The following CNOT4 variants were observed in gnomAD, a reference collection of about 807,000 sequenced individuals.
CNOT4 encodes CCR4-NOT transcription complex subunit 4.
CNOT4 carries 8 observed loss-of-function variants against 73.8 expected under a neutral mutation model. The ratio of observed to expected loss-of-function variants is 0.11; its 90% CI spans 0.06 to 0.20. The LOEUF is 0.20. Ranked by LOEUF, CNOT4 falls within the 10% of genes least tolerant of loss-of-function variation. The pLI, the probability that CNOT4 is intolerant of heterozygous loss-of-function variation, is 1.00. For missense variants in CNOT4, 564 were observed against 883.4 expected (o/e 0.64, Z 4.58); for synonymous variants, 293 against 321.1 (o/e 0.91, Z 0.94).
At chr7:135,495,763 A>G (rs186626403) in intron 1 of CNOT4, among the ~76,000 whole-genome samples, 1 of 141,270 alleles carries the variant, frequency 7.1e-6, no homozygotes. Flanking sequence ...AGAAAGAAAG[A>G]AATTTAAGAA....
intron 7 of CNOT4, among the ~76,000 whole-genome samples, chr7:135,406,017 G>A (rs1053506710): frequency 1.3e-5 from 2 of 152,106 alleles, no homozygotes; most frequent in Admixed American, 1.3e-4. Context: ...TTACCTTGAA[G>A]ATGAAGAAAC....
rs574696849 is a variant in CNOT4, at chr7:135,494,083, C to T, written c.-93+15806G>A. Among the ~76,000 whole-genome samples, 18 of 138,166 alleles carry T rather than the reference C, an allele frequency of 1.3e-4. No homozygotes were observed. The South Asian group carries it at 4.3e-3, about 33-fold the overall frequency. The allele number at this position is 138,166 out of a possible 152,430, so 90.6% of individuals were successfully genotyped here. ...CCTGTACCAAAAAAAAAAAAAAAAA[C>T]TCAGAAAACTCATTTGAGAAAAAGG... On this transcript the variant is annotated intron_variant, in intron 1 of 11. Transcript: ENST00000541284.
Position 135,413,387 on chromosome 7 carries a change from T to C in CNOT4, c.687+101A>G, listed in dbSNP as rs543297945. The C allele has an allele frequency of 8.6e-4, 1,195 of 1,387,474 alleles. 16 individuals carry two copies. The South Asian group carries it at 0.014, about 17-fold the overall frequency. 85.9% of individuals were successfully genotyped at this position (1,387,474 alleles called of 1,614,324 possible). A position where few individuals can be genotyped will look rare whatever the true frequency, so the allele number is the denominator to read the frequency against. ...TGCTACTTTAAAGTAATATCAGTTT[T>C]TACAAAATCAAATCCTTAGTTTTTG... is the stretch of plus-strand genomic sequence containing the variant. On this transcript the variant is annotated intron_variant, in intron 6 of 11. Transcript: ENST00000541284.
intron 1 of CNOT4, among the ~76,000 whole-genome samples, chr7:135,491,344 T>C (rs1803097395): frequency 6.6e-6 from 1 of 152,176 alleles, no homozygotes; most frequent in African/African-American, 2.4e-5. Context: ...GATATTCCAA[T>C]GTTTAGAGGT....
Position 135,392,311 on chromosome 7 carries a change from T to C in CNOT4, c.1627+1607A>G, listed in dbSNP as rs557798079. On this transcript the variant is annotated intron_variant, in intron 10 of 11. Transcript: ENST00000541284. ...ATCCATATCTTAAACTTCTTTAATA[T>C]GTCCCACATGTCCTAATTCATTGAT... Among the ~76,000 whole-genome samples, 43 of 152,238 alleles carry C rather than the reference T, an allele frequency of 2.8e-4. No homozygotes were observed. In the East Asian group the frequency reaches 6.2e-3, roughly 22 times the overall value.
At chr7:135,505,823 AAAAAG>A (rs1431793808) in intron 1 of CNOT4, among the ~76,000 whole-genome samples, 1 of 152,194 alleles carries the variant, frequency 6.6e-6, no homozygotes, top group African/African-American at 2.4e-5. Context: ...TCGTATCATA[AAAAAG>A]AAATGTGTCA....
intron 10 of CNOT4, among the ~76,000 whole-genome samples, chr7:135,366,204 A>C (rs1369480850): frequency 6.6e-6 from 1 of 152,226 alleles, no homozygotes; most frequent in Non-Finnish European, 1.5e-5. Flanking sequence ...AACTCAGAAC[A>C]ATCTGCTCCT....
rs1003226 is a variant in CNOT4, at chr7:135,361,800, C to T, written c.*1085G>A. 0.89 allele frequency: 135,936 copies of T among 152,726 alleles called. 61,370 individuals are homozygous for T. The highest frequency in any genetic ancestry group is 1 in the East Asian group (5,187 of 5,192). 9.5% of individuals were successfully genotyped at this position (152,726 alleles called of 1,614,324 possible). A position where few individuals can be genotyped will look rare whatever the true frequency, so the allele number is the denominator to read the frequency against. On this transcript the variant is annotated 3_prime_UTR_variant, in exon 12 of 12. Coordinates refer to ENST00000541284, the MANE Select transcript of CNOT4 (RefSeq NM_001190850.2). ...AAAAACAAGGACAACCCAAGTGTCA[C>T]CATCAAGTTTTCTGTTTTATTTAAG...
At chr7:135,412,393 C>A (rs1797634501) in intron 6 of CNOT4, among the ~76,000 whole-genome samples, 1 of 151,708 alleles carries the variant, frequency 6.6e-6, no homozygotes, top group African/African-American at 2.4e-5. Flanking sequence ...ATAAAGTATA[C>A]CCTCTACTAA....
At chr7:135,400,505 C>T (rs1373939864) in intron 7 of CNOT4, among the ~76,000 whole-genome samples, 1 of 152,028 alleles carries the variant, frequency 6.6e-6, no homozygotes, top group African/African-American at 2.4e-5. Context: ...TCCCAGTCAC[C>T]ACCCAATTTA....
In CNOT4 at chr7:135,442,934, C is replaced by T. The variant is rs184257995; in HGVS notation, c.-92-4511G>A. ...ATTAGCCAAGTATGGTGTTGTGTGC[C>T]TGTGGTTCCAGCTACTTGGGAGACT... On this transcript the variant is annotated intron_variant, in intron 1 of 11. Transcript: ENST00000541284. Among the ~76,000 whole-genome samples, 3 of 151,978 alleles carry T rather than the reference C, an allele frequency of 2.0e-5. No individual in the cohort carries two copies. The East Asian group carries it at 5.8e-4, about 30-fold the overall frequency.
intron 10 of CNOT4, chr7:135,387,897 A>G: frequency 1.0e-6 from 1 of 963,784 alleles, no homozygotes; most frequent in Non-Finnish European, 1.2e-6. Flanking sequence ...CATTCTGGTC[A>G]GGTACTTATA....
At chr7:135,430,095 G>T (rs559601177) in intron 2 of CNOT4, among the ~76,000 whole-genome samples, 20 of 152,144 alleles carry the variant, frequency 1.3e-4, no homozygotes, top group African/African-American at 4.8e-4. Flanking sequence ...ATTTAGAAAA[G>T]AAATAAAAAA....
chr7:135,405,820 T>C (rs900123162), intron 7 of CNOT4, among the ~76,000 whole-genome samples: 1 of 152,216 alleles, frequency 6.6e-6, no homozygotes, highest in Non-Finnish European at 1.5e-5. Context: ...AGATTTGTAC[T>C]CTGGCTTAAT....
chr7:135,466,198 T>C (rs1338972922), intron 1 of CNOT4, among the ~76,000 whole-genome samples: 2 of 150,090 alleles, frequency 1.3e-5, no homozygotes, highest in Non-Finnish European at 3.0e-5. Flanking sequence ...GTTTATAATA[T>C]AGACCATGTA....
At chr7:135,424,578 A>C (rs1475592305) in intron 2 of CNOT4, among the ~76,000 whole-genome samples, 1 of 152,062 alleles carries the variant, frequency 6.6e-6, no homozygotes, top group Non-Finnish European at 1.5e-5. Flanking sequence ...CGAGGTCAGG[A>C]GTTCAAGACC....
chr7:135,363,931 G>C lies in CNOT4; in HGVS notation c.1763C>G (p.Pro588Arg). 6.3e-7 allele frequency: 1 copy of C among 1,598,372 alleles called. No homozygotes were observed. The highest frequency in any genetic ancestry group is 8.5e-7 in the Non-Finnish European group (1 of 1,179,750). Residue 588 changes from proline to arginine, a missense_variant, in exon 11 of 12, where the codon CCA becomes CGA. Around this residue, in one of 10 missense-constraint regions of CNOT4, gnomAD observed 53 missense variants for 75.4 expected, o/e 0.70. Transcript: ENST00000541284. This position sits in a 1 kb window ranked among gnomAD's most constrained non-coding sequence, Gnocchi z 4.3. ...SSPSNANHSA[P>R]TSNTATTDSL... ...GTCGGTGGTGGCAGTGTTGGACGTTGGTGCACTGTGGTTGGCGTTGGAGGG... is the reference window on the plus strand; with the variant it reads ...GTCGGTGGTGGCAGTGTTGGACGTTCGTGCACTGTGGTTGGCGTTGGAGGG...
At chr7:135,450,504 C>A (rs1281622994) in intron 1 of CNOT4, among the ~76,000 whole-genome samples, 3 of 152,110 alleles carry the variant, frequency 2.0e-5, no homozygotes, top group African/African-American at 7.2e-5. Flanking sequence ...CAGGTGCACA[C>A]CACCACGCCT....
At chr7:135,497,182 C>T (rs1048318207) in intron 1 of CNOT4, among the ~76,000 whole-genome samples, 1 of 151,858 alleles carries the variant, frequency 6.6e-6, no homozygotes, top group South Asian at 2.1e-4. Flanking sequence ...CCGAGGCAGG[C>T]GGATTGCTTG....
Sources: gnomAD v4.1 joint callset for allele counts (sites outside exome capture counted in the v4.1 genomes callset) on GRCh38, gnomAD v4.1.1 for gene constraint, gnomAD v4.1.1 regional missense constraint, Gnocchi (gnomAD v3.1) non-coding constraint, MANE v1.5 for transcripts, NCBI Gene and HGNC (gene_info 2026-07-23, HGNC 2026-07-21) for gene names.